Variants in ROBO1 observed in about 807,000 individuals in gnomAD.
ROBO1 encodes the protein roundabout homolog 1.
A neutral mutation model predicts 195.9 loss-of-function variants in ROBO1; 149 were observed. The ratio of observed to expected loss-of-function variants is 0.76; its 90% CI spans 0.67 to 0.87. The LOEUF (loss-of-function observed/expected upper bound fraction) is 0.87. Among genes scored for constraint, ROBO1 ranks in the 40% least tolerant of loss-of-function variants. The pLI is 0.00. For synonymous variants in ROBO1, 816 were observed against 733.2 expected (o/e 1.11, Z -1.82); for missense variants, 1,933 against 2,068.3 (o/e 0.93, Z 1.27).
At chr3:78,631,129 A>T in intron 25 of ROBO1, 32 bp downstream of exon 25, 1 of 1,593,178 alleles carries the variant, frequency 6.3e-7, no homozygotes, top group Non-Finnish European at 8.6e-7. Flanking sequence ...ATCATATTAC[A>T]CTGTTTACAT....
intron 2 of ROBO1, among the ~76,000 whole-genome samples, chr3:79,136,246 A>C (rs1293997779): frequency 6.6e-6 from 1 of 152,080 alleles, no homozygotes; most frequent in Non-Finnish European, 1.5e-5. Flanking sequence ...TTTATTTTTA[A>C]TTTTTAAATT....
chr3:79,422,228 A>G (rs2038257497), intron 2 of ROBO1, among the ~76,000 whole-genome samples: 1 of 149,466 alleles, frequency 6.7e-6, no homozygotes, highest in Non-Finnish European at 1.5e-5. Flanking sequence ...ATGTATCATT[A>G]TATATTGTAA....
chr3:79,105,849 A>T (rs1273263069), intron 3 of ROBO1, among the ~76,000 whole-genome samples: 1 of 151,744 alleles, frequency 6.6e-6, no homozygotes, highest in Non-Finnish European at 1.5e-5. Flanking sequence ...GTTGGTGTTT[A>T]TGAAGCTCCT....
chr3:79,282,422 C>T (rs1347731316), intron 2 of ROBO1, among the ~76,000 whole-genome samples: 1 of 152,142 alleles, frequency 6.6e-6, no homozygotes, highest in African/African-American at 2.4e-5. Context: ...TATTGTGGGG[C>T]TTTCATGATG....
chr3:79,698,756 A>T (rs1947521645), intron 1 of ROBO1, among the ~76,000 whole-genome samples: 2 of 151,556 alleles, frequency 1.3e-5, no homozygotes, highest in Non-Finnish European at 3.0e-5. Flanking sequence ...TTTTTTGAGA[A>T]ATTGAAGTGT....
intron 8 of ROBO1, among the ~76,000 whole-genome samples, chr3:78,700,756 C>T (rs2081399847): frequency 8.3e-6 from 1 of 119,872 alleles, no homozygotes; most frequent in African/African-American, 2.6e-5. Flanking sequence ...ATCTCCAGAT[C>T]TTTTTTTCTT....
At chr3:79,337,826 CATAG>C (rs1183559344) in intron 2 of ROBO1, among the ~76,000 whole-genome samples, 1 of 152,108 alleles carries the variant, frequency 6.6e-6, no homozygotes, top group African/African-American at 2.4e-5. Flanking sequence ...GGAAGGTTAA[CATAG>C]ATAAAGTAAT....
intron 4 of ROBO1, among the ~76,000 whole-genome samples, chr3:78,799,467 G>A (rs1436767248): frequency 3.3e-5 from 5 of 151,874 alleles, no homozygotes; most frequent in Non-Finnish European, 7.4e-5. Flanking sequence ...TCAGCCTCCT[G>A]AGTAGCTGGG....
intron 8 of ROBO1, among the ~76,000 whole-genome samples, chr3:78,711,348 C>CTCCTTTCTTTCTTTCTTCCT (rs1575992298): frequency 3.7e-5 from 2 of 54,688 alleles, no homozygotes; most frequent in Non-Finnish European, 6.5e-5. Context: ...TCCTTCCTTC[C>CTCCTTTCTTTCTTTCTTCCT]TCCTTCCTTC....
intron 2 of ROBO1, among the ~76,000 whole-genome samples, chr3:79,509,310 C>T (rs755403105): frequency 6.6e-6 from 1 of 151,858 alleles, no homozygotes; most frequent in African/African-American, 2.4e-5. Flanking sequence ...AATTAAATCA[C>T]ATTTGCTGTA....
chr3:79,116,449 T>C (rs1368513181), intron 3 of ROBO1, among the ~76,000 whole-genome samples: 1 of 150,322 alleles, frequency 6.7e-6, no homozygotes, highest in Non-Finnish European at 1.5e-5. Context: ...TTCCTTTCCC[T>C]TTCCCTTTCT....
intron 1 of ROBO1, among the ~76,000 whole-genome samples, chr3:79,666,553 T>C (rs564649414): frequency 6.6e-6 from 1 of 152,028 alleles, no homozygotes; most frequent in South Asian, 2.1e-4. Flanking sequence ...CCCCTCATAC[T>C]GTTCTTGTGG....
At position 78,871,851 on chromosome 3, in the gene ROBO1, A is replaced by G. The variant is rs147592647; in HGVS notation, c.499+66750T>C. On this transcript the variant is annotated intron_variant, in intron 4 of 30. Coordinates refer to ENST00000464233, the MANE Select transcript of ROBO1 (RefSeq NM_002941.4). ...GACACAGACCTATTTAAGAATTTCT[A>G]TATCTATTACCTAAAAGTGGAATTA... Among the ~76,000 whole-genome samples the G allele has an allele frequency of 3.6e-3, 551 of 152,026 alleles. 2 individuals are homozygous for G. Among genetic ancestry groups the G allele is most frequent in the Middle Eastern group, 0.017 (5 of 292 alleles).
intron 2 of ROBO1, among the ~76,000 whole-genome samples, chr3:79,343,062 T>C (rs2034972264): frequency 6.6e-6 from 1 of 152,190 alleles, no homozygotes; most frequent in Admixed American, 6.5e-5. Context: ...TTTGTAGTTT[T>C]GCCTTTTTCG....
At chr3:78,904,896 T>A (rs2107499740) in intron 4 of ROBO1, among the ~76,000 whole-genome samples, 1 of 152,082 alleles carries the variant, frequency 6.6e-6, no homozygotes, top group African/African-American at 2.4e-5. Flanking sequence ...TTTTCTCAAT[T>A]GTTAAACTAA....
intron 3 of ROBO1, among the ~76,000 whole-genome samples, chr3:78,959,586 C>T (rs1327647939): frequency 6.6e-6 from 1 of 151,906 alleles, no homozygotes; most frequent in Non-Finnish European, 1.5e-5. Flanking sequence ...GATAGAAGCC[C>T]AAAATTTATA....
chr3:79,419,810 A>C (rs1252741325), intron 2 of ROBO1, among the ~76,000 whole-genome samples: 5 of 152,126 alleles, frequency 3.3e-5, no homozygotes, highest in Non-Finnish European at 7.4e-5. Context: ...ATTTTTATTA[A>C]ATAGAGTAAT....
chr3:79,675,560 G>T (rs552084278), intron 1 of ROBO1, among the ~76,000 whole-genome samples: 1 of 151,812 alleles, frequency 6.6e-6, no homozygotes, highest in African/African-American at 2.4e-5. Context: ...GTAGCTGGAG[G>T]GTAAAGAGAA....
chr3:79,151,915 T>C (rs1189038089), intron 2 of ROBO1, among the ~76,000 whole-genome samples: 1 of 151,878 alleles, frequency 6.6e-6, no homozygotes, highest in Non-Finnish European at 1.5e-5. Flanking sequence ...CATTGATATC[T>C]GATTCCATCT....
Sources: gnomAD v4.1 joint callset for allele counts (sites outside exome capture counted in the v4.1 genomes callset) on GRCh38, gnomAD v4.1.1 for gene constraint, MANE v1.5 for transcripts, NCBI Gene and HGNC (gene_info 2026-07-23, HGNC 2026-07-21) for gene names.